The following GPR179 variants were observed in gnomAD, a reference collection of about 807,000 sequenced individuals.
The protein encoded by GPR179 is probable G protein-coupled receptor 179.
A neutral mutation model predicts 70.8 loss-of-function variants in GPR179; 52 were observed. The observed-to-expected ratio is 0.73, with a 90% CI of 0.59 to 0.93. The LOEUF (loss-of-function observed/expected upper bound fraction) is 0.93, where lower values mean the gene tolerates loss of function less well. GPR179 is among the 40% of genes least tolerant of loss of function. The pLI is 0.00. For missense variants in GPR179, 2,734 were observed against 2,966.8 expected (o/e 0.92, Z 1.82); for synonymous variants, 1,123 against 1,169.0 (o/e 0.96, Z 0.80).
In GPR179 at chr17:38,337,620, C is replaced by G. The variant is rs749177506; in HGVS notation, c.991+13G>C. ...TGTAAAACACATGCCTGGCCCCCAC[C>G]ACACTTACATACCCCCAGAGGGGCT... On this transcript the variant is annotated intron_variant, in intron 3 of 10. Transcript: ENST00000616987. The G allele has an allele frequency of 1.2e-6, 2 of 1,603,540 alleles. No homozygotes were observed. The highest frequency in any genetic ancestry group is 2.2e-5 in the South Asian group (2 of 89,864).
Position 38,335,676 on chromosome 17 carries a change from T to C in GPR179, c.1321A>G (p.Ser441Gly). 3 of 1,613,978 alleles carry C rather than the reference T, an allele frequency of 1.9e-6. No individual in the cohort carries two copies. The highest frequency in any genetic ancestry group is 2.5e-6 in the Non-Finnish European group (3 of 1,179,844). The stretch of plus-strand genomic sequence containing the variant: ...CGAAGAGCGATGCAGCGGAATACAC[T>C]GGGCTTGAAGTATAGGATGAAGACC... Reference protein sequence around the residue: ...FPVFILYFKPSVFRCIALRWV... With the variant: ...FPVFILYFKPGVFRCIALRWV... The change falls in exon 6 of 11, where the codon AGT becomes GGT. Residue 441 changes from serine to glycine, a missense_variant. Ser to Gly is a moderately conservative substitution (Grantham distance 56, BLOSUM62 0). Transcript: ENST00000616987.
intron 2 of GPR179, 33 bp from the exon 3 acceptor site, chr17:38,337,753 G>T (rs1368343689): frequency 1.3e-6 from 2 of 1,564,996 alleles, no homozygotes; most frequent in Non-Finnish European, 1.8e-6. Flanking sequence ...ATGTGTTTAT[G>T]TGGGGCTTTC....
Position 38,326,392 on chromosome 17 carries a change from G to T in GPR179, c.*73C>A. On this transcript the variant is annotated 3_prime_UTR_variant, in exon 11 of 11. Coordinates refer to ENST00000616987, the MANE Select transcript of GPR179 (RefSeq NM_001004334.4). ...AAGCTGTCTTTGATTCAGCTCTTTG[G>T]GAACACCTGGACTTGGAAAGGGCCT... 1 of 1,185,046 alleles carries T rather than the reference G, an allele frequency of 8.4e-7. No homozygotes were observed. Among genetic ancestry groups the T allele is most frequent in the Non-Finnish European group, 1.2e-6 (1 of 834,918 alleles). 73.4% of individuals were successfully genotyped at this position (1,185,046 alleles called of 1,614,324 possible).
intron 6 of GPR179, 151 bp from the exon 7 acceptor site, chr17:38,335,422 C>A: frequency 2.5e-6 from 2 of 795,486 alleles, no homozygotes; most frequent in East Asian, 2.7e-5. Context: ...CCTTTTGCTA[C>A]CCCCCCACAA....
Position 38,324,653 on chromosome 17 carries a change from G to C in GPR179, c.*1812C>G, listed in dbSNP as rs2037268407. Reference sequence around the variant, plus strand: ...CAAGAGTGTGTTTGGCGGCAACTTTGCTGTTTCCAGCTAGACCAGACCCAA... The same window carrying C: ...CAAGAGTGTGTTTGGCGGCAACTTTCCTGTTTCCAGCTAGACCAGACCCAA... On this transcript the variant is annotated 3_prime_UTR_variant, in exon 11 of 11. Transcript: ENST00000616987. Among the ~76,000 whole-genome samples, 2 of 116,866 alleles carry C rather than the reference G, an allele frequency of 1.7e-5. No homozygotes were observed. The highest frequency in any genetic ancestry group is 5.3e-4 in the South Asian group (2 of 3,760). 76.7% of individuals were successfully genotyped at this position (116,866 alleles called of 152,430 possible). A position where few individuals can be genotyped will look rare whatever the true frequency, so the allele number is the denominator to read the frequency against.
chr17:38,330,701 G>A lies in GPR179; in HGVS notation c.2868C>T (p.Pro956=). ...GCAGAGCTGGAGCCAAGGTGGAGGT[G>A]GGAGATAGCATCCTTGGCTCTCCCA... ...GGLGEPRMLS[P]TSTLAPALLP... Residue 956 remains proline, a synonymous_variant, in exon 11 of 11, where the codon CCC becomes CCT. Coordinates refer to ENST00000616987, the MANE Select transcript of GPR179 (RefSeq NM_001004334.4). 1.3e-6 allele frequency: 2 copies of A among 1,597,874 alleles called. No homozygotes were observed. Among genetic ancestry groups the A allele is most frequent in the South Asian group, 1.1e-5 (1 of 89,088 alleles).
rs904456690 is a variant in GPR179 at position 38,328,970 on chromosome 17, C to T, written c.4599G>A (p.Glu1533=). The change falls in exon 11 of 11, where the codon GAG becomes GAA. Residue 1533 remains glutamate (E), a synonymous_variant. Transcript: ENST00000616987. ...KAVQKLSQQQ[E]SVCPRESTVP... is the part of the protein sequence containing the mutation. ...CCGTGCTCTCCCTGGGACAAACTGA[C>T]TCCTGCTGTTGACTTAATTTCTGCA... 1.2e-6 allele frequency: 2 copies of T among 1,614,054 alleles called. No individual in the cohort carries two copies. The highest frequency in any genetic ancestry group is 1.7e-6 in the Non-Finnish European group (2 of 1,180,022).
At position 38,329,913 on chromosome 17, in the gene GPR179, G is replaced by A. The variant is rs559874679; in HGVS notation, c.3656C>T (p.Pro1219Leu). 3.1e-6 allele frequency: 5 copies of A among 1,613,542 alleles called. No individual in the cohort carries two copies. The South Asian group carries it at 3.3e-5, about 11-fold the overall frequency. The change falls in exon 11 of 11, where the codon CCT becomes CTT. Residue 1219 changes from proline (P) to leucine (L), a missense_variant. By Grantham distance (98) the Pro-to-Leu change is moderately conservative. Coordinates refer to ENST00000616987, the MANE Select transcript of GPR179 (RefSeq NM_001004334.4). ...DKNIKQSKET[P>L]VGWQELPKAG... ...TTTGGGCAGTTCCTGCCACCCGACA[G>A]GGGTTTCTTTTGATTGCTTGATGTT...
At chr17:38,341,592 A>G (rs2144279538) in intron 1 of GPR179, among the ~76,000 whole-genome samples, 1 of 152,306 alleles carries the variant, frequency 6.6e-6, no homozygotes, top group African/African-American at 2.4e-5. Context: ...CTGGAGAAGC[A>G]GTGTTGATTG....
chr17:38,331,895 G>C (rs1381990789), intron 10 of GPR179, among the ~76,000 whole-genome samples: 1 of 152,146 alleles, frequency 6.6e-6, no homozygotes, highest in Non-Finnish European at 1.5e-5. Flanking sequence ...TGTTACCTGG[G>C]TGACCAGTGT....
rs774716548 is a variant in GPR179, at chr17:38,329,557, G to A, written c.4012C>T (p.Gln1338Ter). The A allele has an allele frequency of 1.9e-6, 3 of 1,613,948 alleles. No homozygotes were observed. In the South Asian group the frequency reaches 3.3e-5, roughly 18 times the overall value. ...TTGTCTCTGATTCTGCCAGGGTCCTGAGGAGCTGACCCAGGGGACAGACCT... is the reference window on the plus strand; with the variant it reads ...TTGTCTCTGATTCTGCCAGGGTCCTAAGGAGCTGACCCAGGGGACAGACCT... ...RGGLSPGSAP[Q>*]DPGRIRDKSE... Residue 1338 changes from glutamine (Q) to a stop codon, truncating the protein, a stop_gained, in exon 11 of 11, where the codon CAG becomes TAG. Coordinates refer to ENST00000616987, the MANE Select transcript of GPR179 (RefSeq NM_001004334.4). LOFTEE classifies it low-confidence loss of function (END_TRUNC).
intron 4 of GPR179, 42 bp from the exon 5 acceptor site, chr17:38,336,186 A>T: frequency 7.2e-7 from 1 of 1,384,742 alleles, no homozygotes. Context: ...AGTCTGGACG[A>T]TGGTTCTAGA....
rs1435762156 is a variant in GPR179, at chr17:38,329,547, C to G, written c.4022G>C (p.Gly1341Ala). 6.2e-7 allele frequency: 1 copy of G among 1,613,962 alleles called. No homozygotes were observed. The highest frequency in any genetic ancestry group is 1.3e-5 in the African/African-American group (1 of 74,902). The stretch of plus-strand genomic sequence containing the variant: ...CGCCTCAGATTTGTCTCTGATTCTG[C>G]CAGGGTCCTGAGGAGCTGACCCAGG... Reference protein sequence around the residue: ...LSPGSAPQDPGRIRDKSEAGD... With the variant: ...LSPGSAPQDPARIRDKSEAGD... Residue 1341 changes from glycine to alanine, a missense_variant, in exon 11 of 11, where the codon GGC becomes GCC. Gly to Ala is a moderately conservative substitution (Grantham distance 60). Transcript: ENST00000616987.
chr17:38,343,868 C>A lies in GPR179; in HGVS notation c.-79G>T. On this transcript the variant is annotated 5_prime_UTR_variant, in exon 1 of 11. Coordinates refer to ENST00000616987, the MANE Select transcript of GPR179 (RefSeq NM_001004334.4). The surrounding 1 kb of genome is among the most constrained non-coding windows in gnomAD (Gnocchi z 4.2). ...AGGCTGGCTGCAGTCTGGGGGCTGT[C>A]GGCCTCCACGCCTCCTATGCTGGCG... The A allele has an allele frequency of 1.7e-6, 2 of 1,162,576 alleles. No homozygotes were observed. Among genetic ancestry groups the A allele is most frequent in the South Asian group, 3.4e-5 (2 of 58,418 alleles). 72.0% of individuals were successfully genotyped at this position (1,162,576 alleles called of 1,614,324 possible). A position where few individuals can be genotyped will look rare whatever the true frequency, so the allele number is the denominator to read the frequency against.
rs747584626 is a variant in GPR179, at chr17:38,328,111, A to AG, written c.5457dup (p.Trp1820LeufsTer5). 65 of 1,613,880 alleles carry AG rather than the reference A, an allele frequency of 4.0e-5. No homozygotes were observed. Among genetic ancestry groups the AG allele is most frequent in the Non-Finnish European group, 5.2e-5 (61 of 1,180,022 alleles). Reference sequence around the variant, plus strand: ...CCAGTAGTTCCTTCACTTACCTCCCAGGGACAGATCTTGGCTTTTTCACTG... The same window carrying AG: ...CCAGTAGTTCCTTCACTTACCTCCCAGGGGACAGATCTTGGCTTTTTCACTG... On this transcript the variant is annotated frameshift_variant, in exon 11 of 11. Coordinates refer to ENST00000616987, the MANE Select transcript of GPR179 (RefSeq NM_001004334.4). LOFTEE classifies it low-confidence loss of function (END_TRUNC).
At chr17:38,332,263 G>A (rs984189151) in intron 10 of GPR179, among the ~76,000 whole-genome samples, 25 of 152,130 alleles carry the variant, frequency 1.6e-4, no homozygotes, top group Admixed American at 1.3e-3. Context: ...GTGTGAAGAC[G>A]GCCCCAGTAG....
chr17:38,343,807 G>A lies in GPR179; in HGVS notation c.-18C>T. 6.8e-7 allele frequency: 1 copy of A among 1,478,898 alleles called. No individual in the cohort carries two copies. The highest frequency in any genetic ancestry group is 8.9e-7 in the Non-Finnish European group (1 of 1,118,720). The allele number at this position is 1,478,898 out of a possible 1,614,324, so 91.6% of individuals were successfully genotyped here. On this transcript the variant is annotated 5_prime_UTR_variant, in exon 1 of 11. Coordinates refer to ENST00000616987, the MANE Select transcript of GPR179 (RefSeq NM_001004334.4). The surrounding 1 kb of genome is among the most constrained non-coding windows in gnomAD (Gnocchi z 4.2). Reference sequence around the variant, plus strand: ...GTGCCCATCCTTGGGGCAGCTCTCAGGACCCTGGGGTCCAGGCTCAGGAGA... The same window carrying A: ...GTGCCCATCCTTGGGGCAGCTCTCAAGACCCTGGGGTCCAGGCTCAGGAGA...
Position 38,339,544 on chromosome 17 carries a change from A to T in GPR179, c.795-19T>A. On this transcript the variant is annotated intron_variant, in intron 1 of 10. Coordinates refer to ENST00000616987, the MANE Select transcript of GPR179 (RefSeq NM_001004334.4). ...CTGCCCCCTACGGCAGTGAATTGGC[A>T]ATTAGGGGCACAGTGATTGATGCCA... 6.4e-7 allele frequency: 1 copy of T among 1,559,278 alleles called. No homozygotes were observed. Among genetic ancestry groups the T allele is most frequent in the Non-Finnish European group, 8.8e-7 (1 of 1,130,194 alleles).
At position 38,330,720 on chromosome 17, in the gene GPR179, T is replaced by C. The variant is rs767093476; in HGVS notation, c.2849A>G (p.Glu950Gly). The C allele has an allele frequency of 5.0e-6, 8 of 1,590,890 alleles. No individual in the cohort carries two copies. The African/African-American group carries it at 1.1e-4, about 21-fold the overall frequency. ...GGAGGTGGGAGATAGCATCCTTGGC[T>C]CTCCCAGGCCCCCAGACAGGGCCAA... ...PILALSGGLG[E>G]PRMLSPTSTL... The change falls in exon 11 of 11, where the codon GAG becomes GGG. Residue 950 changes from glutamate to glycine, a missense_variant. By Grantham distance (98) the Glu-to-Gly change is moderately conservative. Transcript: ENST00000616987.
Sources: gnomAD v4.1 joint callset for allele counts (sites outside exome capture counted in the v4.1 genomes callset) on GRCh38, gnomAD v4.1.1 for gene constraint, Gnocchi (gnomAD v3.1) non-coding constraint, MANE v1.5 for transcripts, NCBI Gene and HGNC (gene_info 2026-07-23, HGNC 2026-07-21) for gene names.